Variants in PTPRB observed in about 807,000 individuals in gnomAD.
The protein encoded by PTPRB is receptor-type tyrosine-protein phosphatase beta.
In PTPRB, 97 loss-of-function variants were observed where a neutral mutation model predicts 238.1. The observed-to-expected ratio is 0.41, with a 90% CI of 0.35 to 0.48. The LOEUF (loss-of-function observed/expected upper bound fraction) is 0.48. Among genes scored for constraint, PTPRB ranks in the 20% least tolerant of loss-of-function variants. The pLI is 0.30. For missense variants in PTPRB, 2,292 were observed against 2,681.9 expected, an observed-to-expected ratio of 0.85 and a Z score of 3.21; for synonymous variants, 970 against 995.4, an observed-to-expected ratio of 0.97 and a Z score of 0.48.
chr12:70,570,174 G>A (rs575054636), intron 13 of PTPRB, among the ~76,000 whole-genome samples: 3 of 152,258 alleles, frequency 2.0e-5, no homozygotes, highest in East Asian at 3.9e-4. Flanking sequence ...ATTATATAGC[G>A]AGGGGCTAGT....
rs375589023 is a variant in PTPRB, at chr12:70,547,130, C to T, written c.5388-2467G>A. ...GGGCAAATTGTTCTGACCCTGCTCC[C>T]GCTTCTTCTGACTTATGCCCAGATC... On this transcript the variant is annotated intron_variant, in intron 21 of 33. Coordinates refer to ENST00000334414, the MANE Select transcript of PTPRB (RefSeq NM_001109754.4). Among the ~76,000 whole-genome samples, 756 of 152,128 alleles carry T rather than the reference C, an allele frequency of 5.0e-3. 6 individuals are homozygous for T. Among genetic ancestry groups the T allele is most frequent in the South Asian group, 0.039 (190 of 4,826 alleles).
intron 32 of PTPRB, chr12:70,527,639 A>G (rs904250502): frequency 2.0e-5 from 3 of 152,178 alleles, no homozygotes; most frequent in African/African-American, 7.2e-5. Context: ...AAGAAGGGAC[A>G]CTCACAAATC....
Position 70,622,476 on chromosome 12 carries a change from G to A in PTPRB, c.622C>T (p.Gln208Ter). The A allele has an allele frequency of 6.2e-7, 1 of 1,613,494 alleles. No individual in the cohort carries two copies. Among genetic ancestry groups the A allele is most frequent in the Non-Finnish European group, 8.5e-7 (1 of 1,179,692 alleles). The change falls in exon 3 of 34, where the codon CAG (glutamine) becomes TAG (stop). Residue 208 changes from glutamine to a stop codon, truncating the protein, a stop_gained. Transcript: ENST00000334414. LOFTEE classifies it high-confidence loss of function. ...CCAGTCATGTGCAGATTGGGATGCT[G>A]CCTCTCGCTGCTGTTTTGGCTGTAG... is the stretch of plus-strand genomic sequence containing the variant. ...ENYSQNSSER[Q>*]HPNLHMTGIT... is the part of the protein sequence containing the mutation.
chr12:70,609,032 G>A (rs747781472), intron 4 of PTPRB, 37 bp downstream of exon 4: 8 of 1,606,518 alleles, frequency 5.0e-6, no homozygotes, highest in Admixed American at 1.7e-5. Flanking sequence ...CCAACCCCGT[G>A]TGGCTTGGCC....
chr12:70,626,850 T>C (rs534851415), intron 2 of PTPRB, among the ~76,000 whole-genome samples: 38 of 151,996 alleles, frequency 2.5e-4, no homozygotes, highest in African/African-American at 8.9e-4. Context: ...TAAATAATTA[T>C]TGGAAATGGT....
At chr12:70,524,883 A>G (rs983449956) in intron 32 of PTPRB, among the ~76,000 whole-genome samples, 4 of 150,684 alleles carry the variant, frequency 2.7e-5, no homozygotes, top group South Asian at 2.1e-4. Context: ...GTGTGTATAT[A>G]TGTATATATG....
intron 32 of PTPRB, among the ~76,000 whole-genome samples, chr12:70,529,140 G>C (rs900055076): frequency 6.6e-6 from 1 of 152,116 alleles, no homozygotes; most frequent in Non-Finnish European, 1.5e-5. Context: ...AAGGCAAGCT[G>C]AGGAACTATG....
At chr12:70,607,667 G>T (rs180854145) in intron 4 of PTPRB, among the ~76,000 whole-genome samples, 15 of 151,364 alleles carry the variant, frequency 9.9e-5, no homozygotes, top group African/African-American at 3.6e-4. Context: ...CTCCCAAGTA[G>T]CTGGGATTAC....
In PTPRB at chr12:70,581,063, G is replaced by A. The variant is rs1384590823; in HGVS notation, c.2551C>T (p.Arg851Ter). The A allele has an allele frequency of 1.9e-6, 3 of 1,613,896 alleles. No individual in the cohort carries two copies. The highest frequency in any genetic ancestry group is 1.7e-5 in the Admixed American group (1 of 60,006). ...GTTCTTCCCTCCACAACCACTTGTC[G>A]GGAAGAGATCCCTCCACTCACTGTT... ...VTTVSGGISSRQVVVEGRTVP... is the reference protein window; with the variant it reads ...VTTVSGGISS The change falls in exon 10 of 34, where the codon CGA (arginine) becomes TGA (stop). Residue 851 changes from arginine (R) to a stop codon, truncating the protein, a stop_gained. Coordinates refer to ENST00000334414, the MANE Select transcript of PTPRB (RefSeq NM_001109754.4). LOFTEE classifies it high-confidence loss of function.
rs116928586 is a variant in PTPRB at position 70,528,411 on chromosome 12, C to T, written c.6504+3624G>A. On this transcript the variant is annotated intron_variant, in intron 32 of 33. Transcript: ENST00000334414. ...GGAACTTTGATGGTGGCAGTGGTGG[C>T]GAAGGATCATTAGGGCAGAGCTGGA... Among the ~76,000 whole-genome samples, 812 of 150,326 alleles carry T rather than the reference C, an allele frequency of 5.4e-3. 6 individuals carry two copies. Among genetic ancestry groups the T allele is most frequent in the Non-Finnish European group, 6.5e-3 (439 of 67,644 alleles).
intron 32 of PTPRB, among the ~76,000 whole-genome samples, chr12:70,526,258 A>G (rs1256751265): frequency 6.6e-6 from 1 of 152,204 alleles, no homozygotes; most frequent in African/African-American, 2.4e-5. Flanking sequence ...GCTGGAGTAC[A>G]GTGACACAAT....
rs1880086056 is a variant in PTPRB at position 70,571,817 on chromosome 12, CACTT to C, written c.3106+3_3106+6del. 6.2e-7 allele frequency: 1 copy of C among 1,603,576 alleles called. No individual in the cohort carries two copies. ...CAACTGTCAGATTTTGCAATCGTTC[CACTT>C]ACTTGTTCTCCCATTCCCTTGTTCA... is the stretch of plus-strand genomic sequence containing the variant. On this transcript the variant is annotated splice_donor_5th_base_variant and intron_variant, in intron 12 of 33. Transcript: ENST00000334414.
intron 20 of PTPRB, among the ~76,000 whole-genome samples, chr12:70,554,673 C>G (rs1416188740): frequency 6.6e-6 from 1 of 152,076 alleles, no homozygotes; most frequent in East Asian, 1.9e-4. Context: ...TTCTTTTAAG[C>G]TTTTGGTTAT....
At chr12:70,555,641 C>T (rs1272087778) in intron 19 of PTPRB, among the ~76,000 whole-genome samples, 3 of 152,166 alleles carry the variant, frequency 2.0e-5, no homozygotes, top group Admixed American at 2.0e-4. Context: ...CTAACTCATT[C>T]AGGTACTTTA....
chr12:70,585,530 G>A (rs1407680730), intron 9 of PTPRB, among the ~76,000 whole-genome samples: 1 of 152,020 alleles, frequency 6.6e-6, no homozygotes, highest in Non-Finnish European at 1.5e-5. Flanking sequence ...CACAAGATCT[G>A]ATGGTTTTAT....
chr12:70,548,384 ACG>A (rs1565927426), intron 21 of PTPRB, among the ~76,000 whole-genome samples: 56 of 138,110 alleles, frequency 4.1e-4, no homozygotes, highest in African/African-American at 1.4e-3. Context: ...ACACACACAC[ACG>A]CCATGACTTT....
intron 2 of PTPRB, among the ~76,000 whole-genome samples, chr12:70,625,898 C>CT (rs1188028102): frequency 6.6e-6 from 1 of 152,058 alleles, no homozygotes; most frequent in African/African-American, 2.4e-5. Flanking sequence ...GCATAAAGCT[C>CT]TTTTTATAGG....
At chr12:70,538,108 C>T (rs1308284554) in intron 28 of PTPRB, 47 bp downstream of exon 28, 1 of 1,498,204 alleles carries the variant, frequency 6.7e-7, no homozygotes, top group Admixed American at 1.9e-5. Context: ...AGTGTAGCCA[C>T]CCACCAAAGC....
intron 20 of PTPRB, among the ~76,000 whole-genome samples, chr12:70,553,955 A>G (rs1877275739): frequency 1.3e-5 from 2 of 152,178 alleles, no homozygotes; most frequent in Non-Finnish European, 2.9e-5. Context: ...TGGCTGGGGA[A>G]CACAAGGCTA....
Sources: gnomAD v4.1 joint callset for allele counts (sites outside exome capture counted in the v4.1 genomes callset) on GRCh38, gnomAD v4.1.1 for gene constraint, MANE v1.5 for transcripts, NCBI Gene and HGNC (gene_info 2026-07-23, HGNC 2026-07-21) for gene names.